The following PBRM1 variants were observed in gnomAD, a reference collection of about 807,000 sequenced individuals.
PBRM1 encodes protein polybromo-1.
Under a neutral mutation model 194.5 loss-of-function variants are expected in PBRM1, and 27 were observed. The observed-to-expected ratio is 0.14, with a 90% CI of 0.10 to 0.19. The LOEUF (loss-of-function observed/expected upper bound fraction) is 0.19, where lower values mean the gene tolerates loss of function less well. Ranked by LOEUF, PBRM1 falls within the 10% of genes least tolerant of loss-of-function variation. The pLI is 1.00. For missense variants in PBRM1, 1,466 were observed against 2,077.2 expected (o/e 0.71, Z 5.72); for synonymous variants, 655 against 693.2 (o/e 0.94, Z 0.87).
intron 5 of PBRM1, among the ~76,000 whole-genome samples, chr3:52,657,192 T>A (rs958349414): frequency 1.3e-5 from 2 of 152,134 alleles, no homozygotes; most frequent in Non-Finnish European, 2.9e-5. Context: ...TTTGGTTTTG[T>A]AAGACTAAAA....
intron 9 of PBRM1, 69 bp from the exon 11 acceptor site, chr3:52,642,114 A>G (rs993730289): frequency 3.7e-6 from 3 of 821,186 alleles, no homozygotes; most frequent in Non-Finnish European, 6.2e-6. Flanking sequence ...TACAGGGAAC[A>G]GGAACTATTA....
chr3:52,559,505 T>C (rs1185211960), intron 25 of PBRM1, among the ~76,000 whole-genome samples: 1 of 152,144 alleles, frequency 6.6e-6, no homozygotes, highest in East Asian at 1.9e-4. Context: ...AGACAGGCAG[T>C]CACTTGTCCA....
intron 24 of PBRM1, among the ~76,000 whole-genome samples, 186 bp downstream of exon 26, chr3:52,563,097 A>G (rs191352199): frequency 1.6e-4 from 24 of 152,340 alleles, no homozygotes; most frequent in Admixed American, 1.5e-3. Context: ...TAATGGGATG[A>G]CATATAATTT....
intron 17 of PBRM1, among the ~76,000 whole-genome samples, chr3:52,600,171 C>G (rs146947502): frequency 0.014 from 2,183 of 152,202 alleles, 23 homozygotes; most frequent in Non-Finnish European, 0.023. Flanking sequence ...CTCTTTTTAT[C>G]TATTTGGGGA....
chr3:52,593,259 C>CT (rs879470797), intron 17 of PBRM1, among the ~76,000 whole-genome samples: 124 of 146,926 alleles, frequency 8.4e-4, no homozygotes, highest in African/African-American at 2.1e-3. Flanking sequence ...TGAGATCTTT[C>CT]TTTTTTTTTT....
intron 16 of PBRM1, among the ~76,000 whole-genome samples, chr3:52,606,590 A>G (rs1002500734): frequency 6.6e-6 from 1 of 152,226 alleles, no homozygotes; most frequent in African/African-American, 2.4e-5. Flanking sequence ...AAAGCATTAT[A>G]AAGAATTTAT....
intron 2 of PBRM1, among the ~76,000 whole-genome samples, chr3:52,671,199 T>C (rs1422545282): frequency 6.6e-6 from 1 of 152,224 alleles, no homozygotes. Flanking sequence ...AGCAGACTAA[T>C]ACAGTAACTG....
intron 13 of PBRM1, among the ~76,000 whole-genome samples, chr3:52,620,705 C>T (rs538546282): frequency 1.3e-5 from 2 of 152,276 alleles, no homozygotes; most frequent in South Asian, 4.1e-4. Context: ...ATGTGGAAAT[C>T]TAGTTGTATA....
rs3755806 is a variant in PBRM1 at position 52,609,669 on chromosome 3, T to C, written c.2211A>G (p.Thr737=). The C allele has an allele frequency of 0.38, 616,362 of 1,612,182 alleles. 121,880 individuals are homozygous for C. The highest frequency in any genetic ancestry group is 0.5 in the Admixed American group (30,230 of 59,866). The change falls in exon 16 of 30, where the codon ACA becomes ACG. Residue 737 remains threonine (T), a synonymous_variant. Transcript: ENST00000296302. The surrounding 1 kb of genome is among the most constrained non-coding windows in gnomAD (Gnocchi z 4.1). ...AGATCAAAGACTCCGGCTCATTGTATGTACAGGCATTATTAAACATCATGA... is the reference window on the plus strand; with the variant it reads ...AGATCAAAGACTCCGGCTCATTGTACGTACAGGCATTATTAAACATCATGA...
chr3:52,623,011 G>A (rs1359151917), intron 13 of PBRM1, among the ~76,000 whole-genome samples: 1 of 152,194 alleles, frequency 6.6e-6, no homozygotes, highest in Non-Finnish European at 1.5e-5. Context: ...CTATGCAGAT[G>A]TAAAAACTGA....
At chr3:52,593,606 C>T (rs1055270263) in intron 17 of PBRM1, among the ~76,000 whole-genome samples, 2 of 152,272 alleles carry the variant, frequency 1.3e-5, no homozygotes, top group East Asian at 3.9e-4. Flanking sequence ...TTAGCTGTGT[C>T]CCAGAGATTC....
chr3:52,610,507 G>A (rs1280561260), intron 15 of PBRM1, among the ~76,000 whole-genome samples: 1 of 152,186 alleles, frequency 6.6e-6, no homozygotes, highest in Non-Finnish European at 1.5e-5. Flanking sequence ...GTAATGTTGA[G>A]GAGCCCTCAC....
At chr3:52,613,500 C>T (rs1317688504) in intron 15 of PBRM1, among the ~76,000 whole-genome samples, 3 of 149,102 alleles carry the variant, frequency 2.0e-5, no homozygotes, top group African/African-American at 7.7e-5. Flanking sequence ...TGCCACCACG[C>T]CTGGCTAATT....
chr3:52,565,723 T>TA (rs979679222), intron 22 of PBRM1, among the ~76,000 whole-genome samples: 4 of 151,850 alleles, frequency 2.6e-5, no homozygotes, highest in African/African-American at 9.7e-5. Flanking sequence ...GACATTTCTC[T>TA]AAAAAAAGAC....
chr3:52,628,645 A>G (rs1037867815), intron 12 of PBRM1, among the ~76,000 whole-genome samples: 5 of 151,668 alleles, frequency 3.3e-5, no homozygotes, highest in African/African-American at 1.2e-4. Flanking sequence ...TAATTTTTGC[A>G]GTTTTTGTAG....
intron 29 of PBRM1, 61 bp downstream of exon 31, chr3:52,550,360 G>T: frequency 1.3e-6 from 1 of 776,888 alleles, no homozygotes; most frequent in Non-Finnish European, 1.9e-6. Context: ...TATGCTAACA[G>T]CAGTAAGACA....
intron 21 of PBRM1, among the ~76,000 whole-genome samples, chr3:52,577,559 T>G (rs1053027159): frequency 6.6e-6 from 1 of 152,116 alleles, no homozygotes. Flanking sequence ...TCGTGATTCC[T>G]GACCTGAAGT....
intron 5 of PBRM1, among the ~76,000 whole-genome samples, chr3:52,655,723 G>C (rs1430243759): frequency 6.6e-6 from 1 of 152,124 alleles, no homozygotes; most frequent in Non-Finnish European, 1.5e-5. Flanking sequence ...TTCACACATA[G>C]GACAGCAGTG....
chr3:52,629,668 A>C lies in PBRM1; in HGVS notation c.1302-633T>G, dbSNP rs547422996. 1.6e-3 allele frequency among the ~76,000 whole-genome samples: 246 copies of C among 152,330 alleles called. 2 individuals are homozygous for C. The highest frequency in any genetic ancestry group is 5.5e-3 in the African/African-American group (228 of 41,578). On this transcript the variant is annotated intron_variant, in intron 11 of 29. Transcript: ENST00000296302. ...TCTTAAGATTCCAAGTATCTCACTT[A>C]AACACAATCATTATTATTGTATCAA...
Sources: gnomAD v4.1 joint callset for allele counts (sites outside exome capture counted in the v4.1 genomes callset) on GRCh38, gnomAD v4.1.1 for gene constraint, Gnocchi (gnomAD v3.1) non-coding constraint, MANE v1.5 for transcripts, NCBI Gene and HGNC (gene_info 2026-07-23, HGNC 2026-07-21) for gene names.